Variants in SEC16B observed in about 807,000 individuals in gnomAD.
SEC16B encodes SEC16 homolog B, endoplasmic reticulum export factor, also known as protein transport protein Sec16B.
A neutral mutation model predicts 141.8 loss-of-function variants in SEC16B; 115 were observed. The ratio of observed to expected loss-of-function variants is 0.81; its 90% CI spans 0.70 to 0.95. The LOEUF is 0.95. Among genes scored for constraint, SEC16B ranks in the 40% least tolerant of loss-of-function variants. The pLI, the probability that SEC16B is intolerant of heterozygous loss-of-function variation, is 0.00. For missense variants in SEC16B, 1,291 were observed against 1,312.3 expected (o/e 0.98, Z 0.25); for synonymous variants, 493 against 492.5 (o/e 1.00, Z -0.01).
At chr1:177,945,138 G>A (rs1264657736) in intron 14 of SEC16B, among the ~76,000 whole-genome samples, 1 of 152,208 alleles carries the variant, frequency 6.6e-6, no homozygotes, top group Non-Finnish European at 1.5e-5. Context: ...CAAAAGGCAT[G>A]GCAGAGCAGG....
intron 20 of SEC16B, among the ~76,000 whole-genome samples, chr1:177,935,345 G>A (rs1292918802): frequency 7.2e-5 from 11 of 152,094 alleles, no homozygotes; most frequent in South Asian, 2.1e-4. Context: ...AATGAATAGC[G>A]CTACTTTCAT....
chr1:177,964,918 C>T, intron 4 of SEC16B, 129 bp downstream of exon 4: 1 of 1,112,330 alleles, frequency 9.0e-7, no homozygotes, highest in Non-Finnish European at 1.3e-6. Flanking sequence ...ATTCCCATAT[C>T]CCTGTGGCTA....
chr1:177,975,487 G>C (rs1232744818), intron 1 of SEC16B, among the ~76,000 whole-genome samples: 1 of 152,102 alleles, frequency 6.6e-6, no homozygotes, highest in Admixed American at 6.6e-5. Context: ...TGTGGATAAA[G>C]GGCTGCTGTG....
At chr1:177,961,018 T>C in intron 6 of SEC16B, 79 bp from the exon 7 acceptor site, 4 of 1,519,448 alleles carry the variant, frequency 2.6e-6, no homozygotes, top group East Asian at 4.5e-5. Flanking sequence ...ATGCCACAGA[T>C]GTATTTCTGC....
chr1:177,948,397 C>T, intron 12 of SEC16B: 1 of 1,304,514 alleles, frequency 7.7e-7, no homozygotes, highest in South Asian at 1.2e-5. Context: ...TACCAAATGC[C>T]TATGTTTTCT....
chr1:177,979,006 T>C (rs1372085055), intron 1 of SEC16B, among the ~76,000 whole-genome samples: 1 of 152,214 alleles, frequency 6.6e-6, no homozygotes, highest in African/African-American at 2.4e-5. Flanking sequence ...ATGTCCATTT[T>C]AGAGGCAATA....
At chr1:177,959,300 C>T (rs1652882856) in intron 8 of SEC16B, 1 of 363,648 alleles carries the variant, frequency 2.7e-6, no homozygotes. Context: ...TCTGCCACTT[C>T]TCTGTTTAGA....
In SEC16B at chr1:177,960,355, C is replaced by T; in HGVS notation, c.985G>A (p.Gly329Arg). The change falls in exon 8 of 26, where the codon GGA becomes AGA. Residue 329 changes from glycine (G) to arginine (R), a missense_variant. Transcript: ENST00000308284. ...EEQEEMRSFS[G>R]PLIREDVHKV... ...ACAGCACTATACCTAATCAAGGGTC[C>T]TGAGAAACTTCTCATCTCCTCTTGC... 1 of 1,603,106 alleles carries T rather than the reference C, an allele frequency of 6.2e-7. No individual in the cohort carries two copies. The highest frequency in any genetic ancestry group is 8.5e-7 in the Non-Finnish European group (1 of 1,171,984).
chr1:177,977,054 C>T (rs1186931993), intron 1 of SEC16B, among the ~76,000 whole-genome samples: 2 of 152,120 alleles, frequency 1.3e-5, no homozygotes, highest in Non-Finnish European at 2.9e-5. Flanking sequence ...TTAATAGTAT[C>T]TTAATTTAAA....
chr1:177,947,879 C>T lies in SEC16B; in HGVS notation c.1609G>A (p.Ala537Thr). The change falls in exon 13 of 26, where the codon GCT becomes ACT. Residue 537 changes from alanine to threonine, a missense_variant. Physicochemically the swap from Ala to Thr is moderately conservative, Grantham distance 58 (BLOSUM62 0). Transcript: ENST00000308284. The stretch of plus-strand genomic sequence containing the variant: ...CGCTGATACAGCTCTGGGTCCCCAG[C>T]CTGATTCGACAGAATCACAGCCAAG... ...PHLAVILSNQ[A>T]GDPELYQRAI... The T allele has an allele frequency of 6.4e-7, 1 of 1,560,626 alleles. No individual in the cohort carries two copies. Among genetic ancestry groups the T allele is most frequent in the Non-Finnish European group, 8.7e-7 (1 of 1,152,460 alleles).
In SEC16B at chr1:177,965,992, TCTCATA is replaced by T. The variant is rs772757571; in HGVS notation, c.307_312del (p.Tyr103_Glu104del). 6.3e-7 allele frequency: 1 copy of T among 1,581,096 alleles called. No homozygotes were observed. The highest frequency in any genetic ancestry group is 8.6e-7 in the Non-Finnish European group (1 of 1,160,414). ...GGAGACTGATAGCTCTGATATGAATTCTCATAACCTGGCCTAAAATATCACAAAGAA... is the reference window on the plus strand; with the variant it reads ...GGAGACTGATAGCTCTGATATGAATTACCTGGCCTAAAATATCACAAAGAA... On this transcript the variant is annotated inframe_deletion, in exon 3 of 26. Transcript: ENST00000308284.
Position 177,930,528 on chromosome 1 carries a change from C to G in SEC16B, c.3111+17G>C, listed in dbSNP as rs373335991. The G allele has an allele frequency of 2.6e-5, 41 of 1,596,564 alleles. 2 individuals are homozygous for G. In the Middle Eastern group the frequency reaches 1.3e-3, roughly 52 times the overall value. ...CCTGTACTCCTGGCCAGCCCCTCCC[C>G]CTGAGGGCTTCCTTACCTGAGGCAC... On this transcript the variant is annotated intron_variant, in intron 25 of 25. Coordinates refer to ENST00000308284, the MANE Select transcript of SEC16B (RefSeq NM_033127.4).
Position 177,967,909 on chromosome 1 carries a change from G to C in SEC16B, c.73C>G (p.Arg25Gly). 1 of 1,613,926 alleles carries C rather than the reference G, an allele frequency of 6.2e-7. No individual in the cohort carries two copies. Among genetic ancestry groups the C allele is most frequent in the Non-Finnish European group, 8.5e-7 (1 of 1,179,856 alleles). The change falls in exon 2 of 26, where the codon CGA (arginine) becomes GGA (glycine). Residue 25 changes from arginine to glycine, a missense_variant. Arg to Gly is a moderately radical substitution (Grantham distance 125). Coordinates refer to ENST00000308284, the MANE Select transcript of SEC16B (RefSeq NM_033127.4). ...KATAPSKDPD[R>G]GFRRDGHHRP... is the part of the protein sequence containing the mutation. Reference sequence around the variant, plus strand: ...TGATGTCCATCTCTCCGAAACCCTCGGTCTGGATCCTTTGAGGGTGCTGTG... The same window carrying C: ...TGATGTCCATCTCTCCGAAACCCTCCGTCTGGATCCTTTGAGGGTGCTGTG...
Position 177,929,753 on chromosome 1 carries a change from A to G in SEC16B, c.*105T>C, listed in dbSNP as rs1393786035. 7.6e-7 allele frequency: 1 copy of G among 1,311,546 alleles called. No homozygotes were observed. The highest frequency in any genetic ancestry group is 2.5e-5 in the East Asian group (1 of 40,396). 81.2% of individuals were successfully genotyped at this position (1,311,546 alleles called of 1,614,324 possible). ...CCGGTGGAGGCATCGGGCTAGCACA[A>G]ACCTCTTGAGGGTCCCAATATGGTA... On this transcript the variant is annotated 3_prime_UTR_variant, in exon 26 of 26. Transcript: ENST00000308284.
Position 177,965,970 on chromosome 1 carries a change from G to T in SEC16B, c.335C>A (p.Ser112Tyr). Reference sequence around the variant, plus strand: ...AGCATATTCCTCCCTCATTGTGGGAGACTGATAGCTCTGATATGAATTCTC... The same window carrying T: ...AGCATATTCCTCCCTCATTGTGGGATACTGATAGCTCTGATATGAATTCTC... Reference protein sequence around the residue: ...GYENSYQSYQSPTMREEYAYG... With the variant: ...GYENSYQSYQYPTMREEYAYG... Residue 112 changes from serine (S) to tyrosine (Y), a missense_variant, in exon 3 of 26, where the codon TCT becomes TAT. Around this residue, in one of 3 missense-constraint regions of SEC16B, gnomAD observed 681 missense variants for 675.5 expected, o/e 1.01. Transcript: ENST00000308284. The T allele has an allele frequency of 6.3e-7, 1 of 1,594,928 alleles. No homozygotes were observed. The highest frequency in any genetic ancestry group is 8.6e-7 in the Non-Finnish European group (1 of 1,169,460).
intron 12 of SEC16B, 78 bp downstream of exon 12, chr1:177,951,836 A>C (rs1652210777): frequency 9.0e-7 from 1 of 1,113,530 alleles, no homozygotes; most frequent in Non-Finnish European, 1.3e-6. Flanking sequence ...GAAAGCCATC[A>C]GTGCACTCCT....
intron 2 of SEC16B, among the ~76,000 whole-genome samples, chr1:177,967,078 T>C (rs1653584952): frequency 6.6e-6 from 1 of 152,190 alleles, no homozygotes. Flanking sequence ...CCAACCTGGA[T>C]AGAATGACCT....
rs768134903 is a variant in SEC16B, at chr1:177,932,495, G to A, written c.3007C>T (p.Pro1003Ser). 5.2e-6 allele frequency: 8 copies of A among 1,543,150 alleles called. No homozygotes were observed. The East Asian group carries it at 1.5e-4, about 28-fold the overall frequency. ...AGAGVGGLSG[P>S]ESVSFELCSN... ...AGCCCAGGGGGGCCGCTTACCTCTG[G>A]TCCAGACAAGCCTCCAACCCCAGCG... Residue 1003 changes from proline to serine, a missense_variant, in exon 24 of 26, where the codon CCA becomes TCA. Pro to Ser is a moderately conservative substitution (Grantham distance 74, BLOSUM62 -1). This residue lies in a region of SEC16B where 605 missense variants were observed against 614.1 expected (regional missense o/e 0.99). Coordinates refer to ENST00000308284, the MANE Select transcript of SEC16B (RefSeq NM_033127.4).
At chr1:177,934,932 G>T (rs1650725737) in intron 20 of SEC16B, among the ~76,000 whole-genome samples, 1 of 152,044 alleles carries the variant, frequency 6.6e-6, no homozygotes, top group Non-Finnish European at 1.5e-5. Flanking sequence ...GGCCCCATAA[G>T]TTTACCTCTG....
Sources: gnomAD v4.1 joint callset for allele counts (sites outside exome capture counted in the v4.1 genomes callset) on GRCh38, gnomAD v4.1.1 for gene constraint, gnomAD v4.1.1 regional missense constraint, MANE v1.5 for transcripts, NCBI Gene and HGNC (gene_info 2026-07-23, HGNC 2026-07-21) for gene names.